The following FBN3 variants were observed in gnomAD, a reference collection of about 807,000 sequenced individuals.
FBN3 encodes the protein fibrillin-3.
In FBN3, 234 loss-of-function variants were observed where a neutral mutation model predicts 330.1. That is an observed-to-expected ratio of 0.71 (90% CI 0.64 to 0.79). The LOEUF (loss-of-function observed/expected upper bound fraction) is 0.79. FBN3 is among the 30% of genes least tolerant of loss of function. The pLI is 0.00. For missense variants in FBN3, 3,606 were observed against 3,886.9 expected, an observed-to-expected ratio of 0.93 and a Z score of 1.92; for synonymous variants, 1,458 against 1,517.3, an observed-to-expected ratio of 0.96 and a Z score of 0.91.
At chr19:8,082,211 C>G (rs1322745253) in intron 57 of FBN3, among the ~76,000 whole-genome samples, 2 of 151,516 alleles carry the variant, frequency 1.3e-5, no homozygotes, top group Non-Finnish European at 2.9e-5. Context: ...TCAAGTGATC[C>G]TTCTGCCTCA....
chr19:8,135,936 G>GCGCCCCCCCC, intron 13 of FBN3, 25 bp downstream of exon 13: 1 of 668,778 alleles, frequency 1.5e-6, no homozygotes, highest in Non-Finnish European at 2.4e-6. Context: ...GGAAGCCCCT[G>GCGCCCCCCCC]CCCACCCGCC....
At position 8,130,567 on chromosome 19, in the gene FBN3, GGAAAGAAAGAAAGAATGAAA is replaced by G. The variant is rs1412971027; in HGVS notation, c.2044+648_2044+667del. Reference sequence around the variant, plus strand: ...GAAAGAAAGAGAGAGAGAGAGAGAAGGAAAGAAAGAAAGAATGAAAGAAAGAAAGAAAGAAAGAAAGAAAG... The same window carrying G: ...GAAAGAAAGAGAGAGAGAGAGAGAAGGAAAGAAAGAAAGAAAGAAAGAAAG... On this transcript the variant is annotated intron_variant, in intron 16 of 63. Coordinates refer to ENST00000600128, the MANE Select transcript of FBN3 (RefSeq NM_032447.5). 3.2e-4 allele frequency among the ~76,000 whole-genome samples: 15 copies of G among 47,102 alleles called. 6 individuals carry two copies. Among genetic ancestry groups the G allele is most frequent in the African/African-American group, 1.7e-3 (15 of 9,014 alleles). 30.9% of individuals were successfully genotyped at this position (47,102 alleles called of 152,430 possible).
chr19:8,093,791 C>T (rs374222724), intron 47 of FBN3, among the ~76,000 whole-genome samples: 1 of 124,994 alleles, frequency 8.0e-6, no homozygotes, highest in African/African-American at 2.6e-5. Context: ...ACAAACAAAA[C>T]AAAACAACAA....
rs188286958 is a variant in FBN3 at position 8,098,425 on chromosome 19, G to C, written c.5162-1011C>G. 1.4e-4 allele frequency among the ~76,000 whole-genome samples: 21 copies of C among 147,328 alleles called. 1 individual carries two copies. The highest frequency in any genetic ancestry group is 1.4e-4 in the Non-Finnish European group (9 of 66,530). On this transcript the variant is annotated intron_variant, in intron 41 of 63. Transcript: ENST00000600128. ...AAACAACCTAAACAGGCATCAGTGG[G>C]GGACTGGAAACAAACTAAGTGTCCA...
At position 8,142,026 on chromosome 19, in the gene FBN3, C is replaced by G. The variant is rs1241968561; in HGVS notation, c.653G>C (p.Trp218Ser). The G allele has an allele frequency of 3.1e-6, 5 of 1,614,182 alleles. No homozygotes were observed. Among genetic ancestry groups the G allele is most frequent in the Non-Finnish European group, 4.2e-6 (5 of 1,180,010 alleles). Residue 218 changes from tryptophan to serine, a missense_variant, in exon 7 of 64, where the codon TGG becomes TCG. Physicochemically the swap from Trp to Ser is radical, Grantham distance 177. Transcript: ENST00000600128. Reference sequence around the variant, plus strand: ...AGGGCAAAGTTCACATGGAAGGCCCCAGGCACGGCCCACAGTGGCACAGCA... The same window carrying G: ...AGGGCAAAGTTCACATGGAAGGCCCGAGGCACGGCCCACAGTGGCACAGCA... Reference protein sequence around the residue: ...ALCCATVGRAWGLPCELCPAQ... With the variant: ...ALCCATVGRASGLPCELCPAQ...
Position 8,097,341 on chromosome 19 carries a change from G to A in FBN3, c.5235C>T (p.Arg1745=), listed in dbSNP as rs771368128. 2.5e-6 allele frequency: 4 copies of A among 1,610,410 alleles called. No individual in the cohort carries two copies. The highest frequency in any genetic ancestry group is 2.2e-5 in the South Asian group (2 of 90,564). ...AGTTGAAGCCTGCGGGGCACTCGCAGCGGAAACTCCCGATCTGGTTTATGC... is the reference window on the plus strand; with the variant it reads ...AGTTGAAGCCTGCGGGGCACTCGCAACGGAAACTCCCGATCTGGTTTATGC... ...GICINQIGSF[R]CECPAGFNYN... Residue 1745 remains arginine, a synonymous_variant, in exon 42 of 64, where the codon CGC becomes CGT. Transcript: ENST00000600128.
chr19:8,100,946 G>C lies in FBN3; in HGVS notation c.5116C>G (p.Gln1706Glu), dbSNP rs2082314964. 1.9e-6 allele frequency: 3 copies of C among 1,613,814 alleles called. No individual in the cohort carries two copies. The highest frequency in any genetic ancestry group is 2.5e-6 in the Non-Finnish European group (3 of 1,179,892). Residue 1706 changes from glutamine to glutamate, a missense_variant, in exon 41 of 64, where the codon CAG becomes GAG. By Grantham distance (29) the Gln-to-Glu change is conservative (BLOSUM62 2). Transcript: ENST00000600128. ...SPDYQILCGN[Q>E]APGFLTDIHT... ...ATGTCAGTGAGGAATCCCGGGGCCT[G>C]ATTTCCACACAGGATCTGGTAGTCA...
chr19:8,136,163 C>A (rs774067869), intron 12 of FBN3, 27 bp downstream of exon 12: 9 of 1,613,452 alleles, frequency 5.6e-6, no homozygotes, highest in Non-Finnish European at 7.6e-6. Context: ...AACAACATCA[C>A]CCCTACTCTT....
rs139990648 is a variant in FBN3, at chr19:8,066,219, C to G, written c.8130G>C (p.Leu2710Phe). The G allele has an allele frequency of 4.5e-5, 71 of 1,595,462 alleles. No homozygotes were observed. Among genetic ancestry groups the G allele is most frequent in the Non-Finnish European group, 5.8e-5 (68 of 1,168,088 alleles). ...GGCCCAGGTGTGAGAGGTTCAGGCC[C>G]AAGGTCAGCAGGGCCTCGGAGTCAA... is the stretch of plus-strand genomic sequence containing the variant. Reference protein sequence around the residue: ...ATLDSEALLTLGLNLSHLGRA... With the variant: ...ATLDSEALLTFGLNLSHLGRA... Residue 2710 changes from leucine to phenylalanine, a missense_variant, in exon 64 of 64, where the codon TTG (leucine) becomes TTC (phenylalanine). Coordinates refer to ENST00000600128, the MANE Select transcript of FBN3 (RefSeq NM_032447.5).
chr19:8,100,674 C>A (rs949269696), intron 41 of FBN3, among the ~76,000 whole-genome samples: 1 of 152,070 alleles, frequency 6.6e-6, no homozygotes, highest in Non-Finnish European at 1.5e-5. Flanking sequence ...ATTTTACTAT[C>A]ATTTTAAAAA....
intron 13 of FBN3, among the ~76,000 whole-genome samples, chr19:8,135,216 C>T (rs1032040573): frequency 2.4e-4 from 36 of 151,560 alleles, no homozygotes; most frequent in Non-Finnish European, 7.4e-5. Context: ...TGGCCTCAAG[C>T]GATCCTCCTG....
At chr19:8,078,209 G>A (rs2081688232) in intron 59 of FBN3, among the ~76,000 whole-genome samples, 1 of 152,144 alleles carries the variant, frequency 6.6e-6, no homozygotes, top group Admixed American at 6.6e-5. Flanking sequence ...TTAGTCATTA[G>A]CAGACAGGAA....
At chr19:8,135,341 G>A (rs147867344) in intron 13 of FBN3, among the ~76,000 whole-genome samples, 4 of 150,794 alleles carry the variant, frequency 2.7e-5, no homozygotes, top group African/African-American at 9.8e-5. Context: ...GCAGTGGTGT[G>A]ATCTTGGCTC....
chr19:8,134,695 A>G (rs566492246), intron 13 of FBN3, among the ~76,000 whole-genome samples: 2 of 152,252 alleles, frequency 1.3e-5, no homozygotes, highest in African/African-American at 4.8e-5. Flanking sequence ...GCACTTTGGG[A>G]GGCCAAGGCG....
intron 13 of FBN3, 87 bp from the exon 14 acceptor site, chr19:8,133,193 C>A: frequency 1.4e-6 from 2 of 1,446,106 alleles, no homozygotes; most frequent in Non-Finnish European, 1.8e-6. Context: ...GCTGACCCCC[C>A]AGGATCCCTC....
Position 8,147,294 on chromosome 19 carries a change from G to C in FBN3, c.167+20C>G, listed in dbSNP as rs1347146923. 6.3e-7 allele frequency: 1 copy of C among 1,584,968 alleles called. No individual in the cohort carries two copies. The highest frequency in any genetic ancestry group is 1.1e-5 in the South Asian group (1 of 87,316). ...CAATCCACACCGAAGGGGTCTCCCA[G>C]CATCCCAGGTACCACGCACCCCTGC... On this transcript the variant is annotated intron_variant, in intron 2 of 63. Coordinates refer to ENST00000600128, the MANE Select transcript of FBN3 (RefSeq NM_032447.5).
chr19:8,121,246 G>A lies in FBN3; in HGVS notation c.3211+12C>T. 1 of 1,584,452 alleles carries A rather than the reference G, an allele frequency of 6.3e-7. No homozygotes were observed. The highest frequency in any genetic ancestry group is 8.6e-7 in the Non-Finnish European group (1 of 1,162,794). On this transcript the variant is annotated intron_variant, in intron 25 of 63. Coordinates refer to ENST00000600128, the MANE Select transcript of FBN3 (RefSeq NM_032447.5). The surrounding 1 kb of genome is among the most constrained non-coding windows in gnomAD (Gnocchi z 4.5). ...AGGGCGCCCACCACACCCCTGCCCG[G>A]CAGTCACCGACCCATGCAGTTCTTC...
rs1201474751 is a variant in FBN3, at chr19:8,136,749, T to TG, written c.1202-219dup. The stretch of plus-strand genomic sequence containing the variant: ...ACCTGGGACCTAGATCCCTCCAACC[T>TG]GGGCCTGGATCCCTCCAACCTGGGG... On this transcript the variant is annotated intron_variant, in intron 10 of 63. Transcript: ENST00000600128. Among the ~76,000 whole-genome samples the TG allele has an allele frequency of 5.3e-3, 796 of 148,878 alleles. 10 individuals are homozygous for TG. The highest frequency in any genetic ancestry group is 0.019 in the African/African-American group (748 of 40,156).
chr19:8,091,099 G>A (rs993312508), intron 48 of FBN3, among the ~76,000 whole-genome samples: 2 of 152,168 alleles, frequency 1.3e-5, no homozygotes, highest in Admixed American at 1.3e-4. Context: ...GGCTCAAGCT[G>A]GGTGAGGTTA....
Sources: gnomAD v4.1 joint callset for allele counts (sites outside exome capture counted in the v4.1 genomes callset) on GRCh38, gnomAD v4.1.1 for gene constraint, Gnocchi (gnomAD v3.1) non-coding constraint, MANE v1.5 for transcripts, NCBI Gene and HGNC (gene_info 2026-07-23, HGNC 2026-07-21) for gene names.